RORB: variants seen among roughly 807,000 people sequenced by gnomAD.
RORB encodes the protein nuclear receptor ROR-beta.
Under a neutral mutation model 59.1 loss-of-function variants are expected in RORB, and 6 were observed. The observed-to-expected ratio is 0.10, with a 90% CI of 0.06 to 0.20. The LOEUF (loss-of-function observed/expected upper bound fraction) is 0.20, where lower values mean the gene tolerates loss of function less well. Among genes scored for constraint, RORB ranks in the 10% least tolerant of loss-of-function variants. The probability of loss-of-function intolerance (pLI) is 1.00; values close to 1 mark genes in which losing one functional copy is unlikely to be tolerated. For synonymous variants in RORB, 215 were observed against 204.5 expected (o/e 1.05, Z -0.44); for missense variants, 320 against 560.5 (o/e 0.57, Z 4.33).
chr9:74,498,838 C>T, intron 1 of RORB: 1 of 162,428 alleles, frequency 6.2e-6, no homozygotes, highest in Non-Finnish European at 1.3e-5. Flanking sequence ...GCGGCGGCGG[C>T]GGGACCCCGG....
intron 1 of RORB, among the ~76,000 whole-genome samples, chr9:74,542,846 A>G (rs118000411): frequency 7.0e-4 from 107 of 152,314 alleles, no homozygotes; most frequent in Non-Finnish European, 1.3e-3. Flanking sequence ...CTCTGGGAGT[A>G]TAAGAATCTG....
chr9:74,511,296 CA>C (rs1286374532), intron 1 of RORB, among the ~76,000 whole-genome samples: 1 of 151,598 alleles, frequency 6.6e-6, no homozygotes, highest in Admixed American at 6.6e-5. Flanking sequence ...TAAAGACTAA[CA>C]AAAAATAAGT....
In RORB at chr9:74,560,500, G is replaced by A. The variant is rs554563868; in HGVS notation, c.7+62517G>A. Reference sequence around the variant, plus strand: ...ACATCAGGGAAAATGGCATGAGCAGGGTTGCTTTTTCATAGATCTAAGAAA... The same window carrying A: ...ACATCAGGGAAAATGGCATGAGCAGAGTTGCTTTTTCATAGATCTAAGAAA... On this transcript the variant is annotated intron_variant, in intron 1 of 9. Coordinates refer to ENST00000376896, the MANE Select transcript of RORB (RefSeq NM_006914.4). Among the ~76,000 whole-genome samples, 217 of 151,498 alleles carry A rather than the reference G, an allele frequency of 1.4e-3. 2 individuals carry two copies. The highest frequency in any genetic ancestry group is 1.5e-3 in the Non-Finnish European group (104 of 67,860).
chr9:74,537,986 G>T (rs555744596), intron 1 of RORB, among the ~76,000 whole-genome samples: 35 of 152,160 alleles, frequency 2.3e-4, no homozygotes, highest in African/African-American at 8.4e-4. Flanking sequence ...AGTCCTGCAA[G>T]CTCCACTAAT....
chr9:74,555,236 C>T (rs547354978), intron 1 of RORB, among the ~76,000 whole-genome samples: 2 of 152,154 alleles, frequency 1.3e-5, no homozygotes, highest in Non-Finnish European at 2.9e-5. Context: ...ACTGTGTTGC[C>T]CTCGACAAGG....
intron 8 of RORB, among the ~76,000 whole-genome samples, chr9:74,669,680 A>C (rs1824319389): frequency 6.6e-6 from 1 of 152,128 alleles, no homozygotes; most frequent in African/African-American, 2.4e-5. Context: ...CAGAAAGAAA[A>C]GCAAATTCCT....
chr9:74,622,519 A>ATTTTTTTTTT (rs33946613), intron 1 of RORB, among the ~76,000 whole-genome samples: 2 of 74,142 alleles, frequency 2.7e-5, no homozygotes, highest in Non-Finnish European at 4.7e-5. Flanking sequence ...TACAACCCAG[A>ATTTTTTTTTT]TTTTTTTTTT....
chr9:74,617,089 T>A (rs10120406), intron 1 of RORB, among the ~76,000 whole-genome samples: 5 of 52,224 alleles, frequency 9.6e-5, no homozygotes, highest in Non-Finnish European at 2.3e-4. Context: ...CACCACCCGC[T>A]CCCCCCGCAA....
intron 1 of RORB, among the ~76,000 whole-genome samples, chr9:74,541,398 C>A (rs1345995856): frequency 6.9e-6 from 1 of 145,236 alleles, no homozygotes; most frequent in Non-Finnish European, 1.5e-5. Context: ...CTATATTAAA[C>A]AATTATATTT....
chr9:74,508,031 ATC>A (rs1825891823), intron 1 of RORB, among the ~76,000 whole-genome samples: 1 of 152,008 alleles, frequency 6.6e-6, no homozygotes, highest in Non-Finnish European at 1.5e-5. Flanking sequence ...CAACTTATTG[ATC>A]TGTTTGCTCT....
intron 1 of RORB, among the ~76,000 whole-genome samples, chr9:74,617,659 C>A (rs1313095906): frequency 6.6e-6 from 1 of 152,142 alleles, no homozygotes; most frequent in Non-Finnish European, 1.5e-5. Flanking sequence ...GGTGACTAAG[C>A]CTCCACCTCA....
At chr9:74,559,820 A>T (rs1271629828) in intron 1 of RORB, among the ~76,000 whole-genome samples, 3 of 152,186 alleles carry the variant, frequency 2.0e-5, no homozygotes, top group Non-Finnish European at 4.4e-5. Context: ...GTTTATGAAA[A>T]AAACAAGGCC....
At chr9:74,538,633 G>C (rs1826357947) in intron 1 of RORB, among the ~76,000 whole-genome samples, 1 of 149,724 alleles carries the variant, frequency 6.7e-6, no homozygotes, top group African/African-American at 2.5e-5. Flanking sequence ...AAAACTTTGG[G>C]AAACATTTAT....
At chr9:74,641,143 T>C (rs763380672) in intron 3 of RORB, among the ~76,000 whole-genome samples, 1 of 152,228 alleles carries the variant, frequency 6.6e-6, no homozygotes, top group Non-Finnish European at 1.5e-5. Context: ...AAGTTTGTGG[T>C]AGCCCCCACT....
intron 9 of RORB, among the ~76,000 whole-genome samples, chr9:74,681,900 T>A (rs528175621): frequency 6.6e-6 from 1 of 152,286 alleles, no homozygotes; most frequent in East Asian, 1.9e-4. Flanking sequence ...GAAAAATCAA[T>A]ATGATTTTGC....
intron 1 of RORB, among the ~76,000 whole-genome samples, chr9:74,536,943 C>G (rs754939372): frequency 1.3e-5 from 2 of 151,958 alleles, no homozygotes; most frequent in South Asian, 2.1e-4. Flanking sequence ...ATATTAATAT[C>G]GCACTTTTAT....
At chr9:74,531,506 T>C (rs1415731216) in intron 1 of RORB, among the ~76,000 whole-genome samples, 2 of 152,022 alleles carry the variant, frequency 1.3e-5, no homozygotes, top group Non-Finnish European at 2.9e-5. Context: ...CTTGGGGTTT[T>C]ATGCCATTTT....
At chr9:74,681,138 T>C (rs77599950) in intron 9 of RORB, among the ~76,000 whole-genome samples, 422 of 152,326 alleles carry the variant, frequency 2.8e-3, no homozygotes, top group Non-Finnish European at 4.7e-3. Flanking sequence ...TTCACGATGA[T>C]TTAAAATTGA....
chr9:74,547,152 T>C (rs907332312), intron 1 of RORB, among the ~76,000 whole-genome samples: 5 of 152,016 alleles, frequency 3.3e-5, no homozygotes, highest in Admixed American at 3.3e-4. Context: ...GAGACCCAAG[T>C]ATGTGTGTAG....
Sources: allele counts gnomAD v4.1 joint callset (sites outside exome capture counted in the v4.1 genomes callset), GRCh38; gene constraint gnomAD v4.1.1; transcripts MANE v1.5; gene names NCBI Gene and HGNC (gene_info 2026-07-23, HGNC 2026-07-21).